Variants in NAA50 observed in about 807,000 individuals in gnomAD.
NAA50 encodes the protein N-alpha-acetyltransferase 50, NatE catalytic subunit.
In NAA50, 7 loss-of-function variants were observed where a neutral mutation model predicts 20.7. That is an observed-to-expected ratio of 0.34 (90% CI 0.19 to 0.63). The LOEUF (loss-of-function observed/expected upper bound fraction) is 0.63, where lower values mean the gene tolerates loss of function less well. Among genes scored for constraint, NAA50 ranks in the 30% least tolerant of loss-of-function variants. The probability of loss-of-function intolerance (pLI) is 0.75; values close to 1 mark genes in which losing one functional copy is unlikely to be tolerated. For synonymous variants in NAA50, 54 were observed against 70.6 expected, an observed-to-expected ratio of 0.77 and a Z score of 1.18; for missense variants, 111 against 199.1, an observed-to-expected ratio of 0.56 and a Z score of 2.66.
Position 113,745,768 on chromosome 3 carries a change from A to G in NAA50, c.8+174T>C, listed in dbSNP as rs1019286386. 7 of 761,754 alleles carry G rather than the reference A, an allele frequency of 9.2e-6. No individual in the cohort carries two copies. In the African/African-American group the frequency reaches 1.3e-4, roughly 14 times the overall value. 47.2% of individuals were successfully genotyped at this position (761,754 alleles called of 1,614,324 possible). On this transcript the variant is annotated intron_variant, in intron 1 of 4. Coordinates refer to ENST00000240922, the MANE Select transcript of NAA50 (RefSeq NM_025146.4). ...TCCGCTGGCCCTTCAGCCCGCCAAC[A>G]GCCCGAGCCTCGCCTCCGCCCCCTC...
In NAA50 at chr3:113,717,660, A is replaced by G. The variant is rs1275484515; in HGVS notation, c.*4100T>C. 1.3e-5 allele frequency: 2 copies of G among 152,180 alleles called. No homozygotes were observed. Among genetic ancestry groups the G allele is most frequent in the African/African-American group, 4.8e-5 (2 of 41,440 alleles). The allele number at this position is 152,180 out of a possible 1,614,324, so 9.4% of individuals were successfully genotyped here. On this transcript the variant is annotated 3_prime_UTR_variant, in exon 5 of 5. Coordinates refer to ENST00000240922, the MANE Select transcript of NAA50 (RefSeq NM_025146.4). ...TACTGTTCCTATTTGTGACTGTAGT[A>G]TCCAATTTCCCAGAAATATTCAAAT...
chr3:113,731,202 T>C (rs1708267941), intron 1 of NAA50, among the ~76,000 whole-genome samples: 1 of 152,176 alleles, frequency 6.6e-6, no homozygotes, highest in Non-Finnish European at 1.5e-5. Flanking sequence ...TTCTTGAGTT[T>C]TGGGTGTATT....
chr3:113,727,665 G>T (rs11921724), intron 1 of NAA50, among the ~76,000 whole-genome samples: 2 of 150,590 alleles, frequency 1.3e-5, no homozygotes, highest in Admixed American at 1.3e-4. Flanking sequence ...TAGAAATGAC[G>T]TAGAAAGGGA....
In NAA50 at chr3:113,728,498, G is replaced by A. The variant is rs569387028; in HGVS notation, c.9-4403C>T. Among the ~76,000 whole-genome samples, 11 of 152,334 alleles carry A rather than the reference G, an allele frequency of 7.2e-5. 1 individual carries two copies. In the South Asian group the frequency reaches 2.3e-3, roughly 32 times the overall value. ...TTGAAGAACGACTAGCTTATCCTGTGGAAGGGCAAGAGATGCAGTCTAATA... is the reference window on the plus strand; with the variant it reads ...TTGAAGAACGACTAGCTTATCCTGTAGAAGGGCAAGAGATGCAGTCTAATA... On this transcript the variant is annotated intron_variant, in intron 1 of 4. Transcript: ENST00000240922.
chr3:113,717,231 G>A lies in NAA50; in HGVS notation c.*4529C>T, dbSNP rs531658001. On this transcript the variant is annotated 3_prime_UTR_variant, in exon 5 of 5. Transcript: ENST00000240922. ...TGCGCTTTCTAGTCGCAGCTACTTG[G>A]GAGGCTCAGGCAGAATTGCTTGAAT... 1.1e-4 allele frequency: 16 copies of A among 152,378 alleles called. No homozygotes were observed. The highest frequency in any genetic ancestry group is 3.6e-4 in the African/African-American group (15 of 41,562). 9.4% of individuals were successfully genotyped at this position (152,378 alleles called of 1,614,324 possible). A position where few individuals can be genotyped will look rare whatever the true frequency, so the allele number is the denominator to read the frequency against.
intron 1 of NAA50, among the ~76,000 whole-genome samples, chr3:113,728,401 A>G (rs1394769781): frequency 6.6e-6 from 1 of 152,216 alleles, no homozygotes; most frequent in Non-Finnish European, 1.5e-5. Context: ...GGTATATACA[A>G]TGTGCTACTA....
intron 1 of NAA50, among the ~76,000 whole-genome samples, chr3:113,732,942 G>A (rs1708289360): frequency 6.6e-6 from 1 of 151,456 alleles, no homozygotes; most frequent in African/African-American, 2.4e-5. Context: ...TTCTACTGGT[G>A]TGATGTGATA....
chr3:113,737,317 T>C (rs1316557124), intron 1 of NAA50, among the ~76,000 whole-genome samples: 1 of 152,222 alleles, frequency 6.6e-6, no homozygotes, highest in Non-Finnish European at 1.5e-5. Context: ...GGTAATTTTT[T>C]CTTTGCTAGC....
rs138230373 is a variant in NAA50 at position 113,733,428 on chromosome 3, T to G, written c.9-9333A>C. 2.4e-4 allele frequency among the ~76,000 whole-genome samples: 37 copies of G among 152,116 alleles called. 1 individual carries two copies. The East Asian group carries it at 6.7e-3, about 28-fold the overall frequency. On this transcript the variant is annotated intron_variant, in intron 1 of 4. Coordinates refer to ENST00000240922, the MANE Select transcript of NAA50 (RefSeq NM_025146.4). Reference sequence around the variant, plus strand: ...ATTTGTGAACCTTTCTGGATTCTAATGTGAAAAAAAATCTATTTTTAAAAG... The same window carrying G: ...ATTTGTGAACCTTTCTGGATTCTAAGGTGAAAAAAAATCTATTTTTAAAAG...
chr3:113,744,067 T>C (rs1708457114), intron 1 of NAA50, among the ~76,000 whole-genome samples: 1 of 152,216 alleles, frequency 6.6e-6, no homozygotes. Flanking sequence ...CACTGGGAAC[T>C]CTTCAGCCTC....
intron 1 of NAA50, among the ~76,000 whole-genome samples, chr3:113,732,170 T>A (rs1247766731): frequency 6.6e-6 from 1 of 152,194 alleles, no homozygotes; most frequent in Non-Finnish European, 1.5e-5. Context: ...GATGTGAAGA[T>A]CAACCATGAT....
At chr3:113,743,289 C>A (rs552951121) in intron 1 of NAA50, among the ~76,000 whole-genome samples, 1 of 152,310 alleles carries the variant, frequency 6.6e-6, no homozygotes, top group South Asian at 2.1e-4. Context: ...CGTGTTGGGA[C>A]TTCCGCAGTT....
At chr3:113,733,939 C>G (rs1379908802) in intron 1 of NAA50, among the ~76,000 whole-genome samples, 1 of 149,616 alleles carries the variant, frequency 6.7e-6, no homozygotes, top group Non-Finnish European at 1.5e-5. Context: ...GATACTACAT[C>G]TAGAGTTTCT....
intron 1 of NAA50, among the ~76,000 whole-genome samples, chr3:113,736,329 A>T (rs1298521635): frequency 6.6e-6 from 1 of 152,204 alleles, no homozygotes; most frequent in Non-Finnish European, 1.5e-5. Context: ...AGAAACCGCT[A>T]CTGCCAAAGT....
chr3:113,732,929 C>A (rs1358650714), intron 1 of NAA50, among the ~76,000 whole-genome samples: 1 of 152,180 alleles, frequency 6.6e-6, no homozygotes, highest in East Asian at 1.9e-4. Flanking sequence ...CTGTTAATAG[C>A]CATTCTACTG....
At chr3:113,741,004 C>A in intron 1 of NAA50, 1 of 497,220 alleles carries the variant, frequency 2.0e-6, no homozygotes. Context: ...CCTTCTTTTA[C>A]ATAACATTAA....
chr3:113,737,053 A>G (rs1456979267), intron 1 of NAA50, among the ~76,000 whole-genome samples: 1 of 152,184 alleles, frequency 6.6e-6, no homozygotes, highest in African/African-American at 2.4e-5. Flanking sequence ...AGTTATACAG[A>G]CAGTTATGGA....
chr3:113,721,779 A>G lies in NAA50; in HGVS notation c.491T>C (p.Val164Ala). The change falls in exon 5 of 5, where the codon GTG becomes GCG. Residue 164 changes from valine to alanine, a missense_variant. Transcript: ENST00000240922. ...ATTTGTTCAGTTGTCTGTCTTTTGC[A>G]CATCTGCATTCTGACCAGAAGGAAC... The part of the protein sequence containing the change: ...LKVPSGQNAD[V>A]QKTDN 1 of 1,613,874 alleles carries G rather than the reference A, an allele frequency of 6.2e-7. No individual in the cohort carries two copies. The highest frequency in any genetic ancestry group is 1.7e-4 in the Middle Eastern group (1 of 6,060).
intron 1 of NAA50, among the ~76,000 whole-genome samples, chr3:113,739,100 C>T (rs1708380059): frequency 6.6e-6 from 1 of 152,030 alleles, no homozygotes; most frequent in Admixed American, 6.6e-5. Flanking sequence ...AAGGAAATGC[C>T]GTTTATCACC....
Sources: allele counts gnomAD v4.1 joint callset (sites outside exome capture counted in the v4.1 genomes callset), GRCh38; gene constraint gnomAD v4.1.1; transcripts MANE v1.5; gene names NCBI Gene and HGNC (gene_info 2026-07-23, HGNC 2026-07-21).